ROBO2: variants seen among roughly 807,000 people sequenced by gnomAD.
ROBO2 encodes roundabout guidance receptor 2.
A neutral mutation model predicts 160.8 loss-of-function variants in ROBO2; 53 were observed. The observed-to-expected ratio is 0.33, with a 90% CI of 0.26 to 0.41. The LOEUF is 0.41. Ranked by LOEUF, ROBO2 falls within the 10% of genes least tolerant of loss-of-function variation. ROBO2 has a pLI of 1.00. For synonymous variants in ROBO2, 664 were observed against 611.7 expected, an observed-to-expected ratio of 1.09 and a Z score of -1.26; for missense variants, 1,577 against 1,722.4, an observed-to-expected ratio of 0.92 and a Z score of 1.49.
intron 2 of ROBO2, among the ~76,000 whole-genome samples, chr3:76,538,712 G>A (rs1465736325): frequency 6.6e-6 from 1 of 152,160 alleles, no homozygotes; most frequent in African/African-American, 2.4e-5. Flanking sequence ...GTACCCAACA[G>A]GTAGTTTTTC....
intron 2 of ROBO2, among the ~76,000 whole-genome samples, chr3:76,194,353 A>ATATATGT: frequency 1.1e-5 from 1 of 94,532 alleles, no homozygotes; most frequent in Non-Finnish European, 2.1e-5. Flanking sequence ...ATGGTGTGTA[A>ATATATGT]ATATATATAT....
At chr3:76,347,401 T>C (rs1021548178) in intron 2 of ROBO2, among the ~76,000 whole-genome samples, 1 of 152,136 alleles carries the variant, frequency 6.6e-6, no homozygotes, top group Non-Finnish European at 1.5e-5. Flanking sequence ...TGTGTGATGA[T>C]GTTAGTGTGT....
intron 2 of ROBO2, among the ~76,000 whole-genome samples, chr3:77,172,908 A>AC (rs758040594): frequency 5.4e-4 from 82 of 152,302 alleles, no homozygotes; most frequent in Middle Eastern, 3.4e-3. Context: ...TAGAATTGTG[A>AC]CCCTCCTACT....
chr3:76,309,886 C>A (rs1367183387), intron 2 of ROBO2, among the ~76,000 whole-genome samples: 1 of 152,134 alleles, frequency 6.6e-6, no homozygotes, highest in Non-Finnish European at 1.5e-5. Flanking sequence ...TATAGTGGCA[C>A]CATCATGACT....
intron 2 of ROBO2, among the ~76,000 whole-genome samples, chr3:76,827,065 T>C (rs1007759375): frequency 6.6e-6 from 1 of 152,202 alleles, no homozygotes; most frequent in Admixed American, 6.6e-5. Context: ...TATACGGTTA[T>C]GGCTTCCCTT....
intron 2 of ROBO2, among the ~76,000 whole-genome samples, chr3:76,112,138 C>G (rs887642765): frequency 1.3e-5 from 2 of 152,158 alleles, no homozygotes; most frequent in African/African-American, 4.8e-5. Flanking sequence ...TTATTCATCA[C>G]AGCCCCACAG....
At chr3:77,567,151 A>G (rs2093507650) in intron 12 of ROBO2, among the ~76,000 whole-genome samples, 3 of 152,024 alleles carry the variant, frequency 2.0e-5, no homozygotes, top group Admixed American at 6.6e-5. Context: ...TTACGACCCA[A>G]TTTAAGTTAG....
intron 2 of ROBO2, among the ~76,000 whole-genome samples, chr3:76,506,669 A>G (rs1007800303): frequency 6.6e-6 from 1 of 152,120 alleles, no homozygotes; most frequent in Admixed American, 6.5e-5. Flanking sequence ...TCCTCATTTT[A>G]TCAGACAAGA....
chr3:76,084,050 C>A (rs1398897305), intron 2 of ROBO2, among the ~76,000 whole-genome samples: 1 of 152,004 alleles, frequency 6.6e-6, no homozygotes, highest in Non-Finnish European at 1.5e-5. Context: ...CCATGCAGAA[C>A]CAATGATATG....
chr3:76,097,251 C>T (rs1315660176), intron 2 of ROBO2, among the ~76,000 whole-genome samples: 3 of 152,156 alleles, frequency 2.0e-5, no homozygotes, highest in Non-Finnish European at 4.4e-5. Flanking sequence ...CCTAGCTTCT[C>T]TGACGGCATG....
chr3:76,434,318 C>T lies in ROBO2; in HGVS notation c.109+496716C>T, dbSNP rs571018232. ...ATAAGCTTTCCAATTTGTTGGCACC[C>T]ATCTCAGAGCAGATCAAGAAGTGAT... On this transcript the variant is annotated intron_variant, in intron 2 of 26. Transcript: ENST00000487694. The T allele has an allele frequency of 4.5e-4, 510 of 1,122,492 alleles. 4 individuals are homozygous for T. The highest frequency in any genetic ancestry group is 1.5e-3 in the Admixed American group (92 of 59,362). 69.5% of individuals were successfully genotyped at this position (1,122,492 alleles called of 1,614,324 possible). A position where few individuals can be genotyped will look rare whatever the true frequency, so the allele number is the denominator to read the frequency against.
intron 2 of ROBO2, among the ~76,000 whole-genome samples, chr3:77,263,035 C>A (rs1310625050): frequency 2.0e-5 from 3 of 152,046 alleles, no homozygotes; most frequent in African/African-American, 7.2e-5. Flanking sequence ...AACACAGTAA[C>A]TAAATGCAAG....
At chr3:75,953,885 G>C (rs6781997) in intron 2 of ROBO2, among the ~76,000 whole-genome samples, 67,408 of 151,588 alleles carry the variant, frequency 0.44, 15,024 homozygotes, top group Non-Finnish European at 0.47. Context: ...TCTACTTACT[G>C]CTATTAGACT....
At chr3:76,476,853 A>G (rs2107222083) in intron 2 of ROBO2, among the ~76,000 whole-genome samples, 1 of 151,564 alleles carries the variant, frequency 6.6e-6, no homozygotes, top group East Asian at 2.0e-4. Flanking sequence ...AAAAAAAATG[A>G]TTTTATAGAA....
chr3:76,707,072 T>A (rs1350790674), intron 2 of ROBO2, among the ~76,000 whole-genome samples: 1 of 152,052 alleles, frequency 6.6e-6, no homozygotes, highest in Non-Finnish European at 1.5e-5. Flanking sequence ...ATTTTCTGTG[T>A]GTGTATATAT....
chr3:77,252,658 AT>A (rs1190211241), intron 2 of ROBO2, among the ~76,000 whole-genome samples: 1 of 150,526 alleles, frequency 6.6e-6, no homozygotes, highest in African/African-American at 2.4e-5. Context: ...ATACAAAAAA[AT>A]TAGCTGGGCG....
At chr3:76,091,111 T>C in intron 2 of ROBO2, among the ~76,000 whole-genome samples, 1 of 152,096 alleles carries the variant, frequency 6.6e-6, no homozygotes, top group Non-Finnish European at 1.5e-5. Flanking sequence ...TTCATTAAAA[T>C]TGGAAACTTT....
intron 2 of ROBO2, among the ~76,000 whole-genome samples, chr3:76,019,305 T>G (rs1447952534): frequency 2.0e-5 from 3 of 151,806 alleles, no homozygotes; most frequent in African/African-American, 7.3e-5. Context: ...GAATACTGTG[T>G]ATTCCTTGGA....
intron 2 of ROBO2, among the ~76,000 whole-genome samples, chr3:76,901,501 G>C (rs918929859): frequency 1.4e-5 from 2 of 143,856 alleles, no homozygotes; most frequent in African/African-American, 5.2e-5. Context: ...CTGGGAGGCA[G>C]AGGTTACAGT....
Sources: allele counts gnomAD v4.1 joint callset (sites outside exome capture counted in the v4.1 genomes callset), GRCh38; gene constraint gnomAD v4.1.1; transcripts MANE v1.5; gene names NCBI Gene and HGNC (gene_info 2026-07-23, HGNC 2026-07-21).